The following CNTN4 variants were observed in gnomAD, a reference collection of about 807,000 sequenced individuals.
CNTN4 encodes the protein contactin-4.
Under a neutral mutation model 122.5 loss-of-function variants are expected in CNTN4, and 77 were observed. The observed-to-expected ratio is 0.63, with a 90% CI of 0.52 to 0.76. The LOEUF is 0.76. Ranked by LOEUF, CNTN4 falls within the 30% of genes least tolerant of loss-of-function variation. CNTN4 has a pLI of 0.00. For missense variants in CNTN4, 1,256 were observed against 1,259.1 expected, an observed-to-expected ratio of 1.00 and a Z score of 0.04; for synonymous variants, 512 against 447.0, an observed-to-expected ratio of 1.15 and a Z score of -1.83.
intron 2 of CNTN4, among the ~76,000 whole-genome samples, chr3:2,208,799 C>G (rs1050736398): frequency 6.6e-6 from 1 of 152,128 alleles, no homozygotes; most frequent in Admixed American, 6.6e-5. Context: ...ACAAGACCCT[C>G]TACCAGCAAC....
At chr3:2,322,216 G>T (rs1575368929) in intron 2 of CNTN4, among the ~76,000 whole-genome samples, 2 of 151,918 alleles carry the variant, frequency 1.3e-5, no homozygotes, top group African/African-American at 4.8e-5. Flanking sequence ...TTGAAAGCAG[G>T]GACTCAAACA....
At chr3:2,243,575 C>G (rs2040023746) in intron 2 of CNTN4, among the ~76,000 whole-genome samples, 1 of 152,066 alleles carries the variant, frequency 6.6e-6, no homozygotes, top group African/African-American at 2.4e-5. Context: ...CAAGACAACT[C>G]TTCTTCCCAT....
chr3:2,147,231 T>C (rs1037333505), intron 2 of CNTN4, among the ~76,000 whole-genome samples: 1 of 152,156 alleles, frequency 6.6e-6, no homozygotes, highest in East Asian at 1.9e-4. Context: ...TCCAGCACTT[T>C]ATTTTTTAAT....
intron 1 of CNTN4, 199 bp downstream of exon 1, chr3:2,099,177 A>C (rs2031669224): frequency 6.6e-6 from 1 of 152,252 alleles, no homozygotes; most frequent in South Asian, 2.1e-4. Flanking sequence ...GAAGCCCTGC[A>C]GGGTCGGGGA....
At chr3:2,895,861 C>T (rs370633323) in intron 10 of CNTN4, among the ~76,000 whole-genome samples, 25 of 152,170 alleles carry the variant, frequency 1.6e-4, no homozygotes, top group East Asian at 5.8e-4. Flanking sequence ...GGTGAAACCC[C>T]GTCTCTACTA....
chr3:2,240,817 T>C (rs2039904318), intron 2 of CNTN4, among the ~76,000 whole-genome samples: 1 of 152,152 alleles, frequency 6.6e-6, no homozygotes, highest in South Asian at 2.1e-4. Flanking sequence ...GAATAAAATG[T>C]TCTTTGCATA....
At chr3:2,235,953 T>C (rs1406537207) in intron 2 of CNTN4, among the ~76,000 whole-genome samples, 1 of 152,064 alleles carries the variant, frequency 6.6e-6, no homozygotes, top group Non-Finnish European at 1.5e-5. Flanking sequence ...AGTCAAAAAA[T>C]TTAGTGCAAG....
intron 4 of CNTN4, among the ~76,000 whole-genome samples, chr3:2,613,488 A>G (rs1576219635): frequency 6.6e-6 from 1 of 152,260 alleles, no homozygotes; most frequent in East Asian, 1.9e-4. Context: ...AGGTGCTGCA[A>G]CATATTTGTT....
chr3:2,870,030 G>C (rs2093767245), intron 8 of CNTN4, among the ~76,000 whole-genome samples: 1 of 152,062 alleles, frequency 6.6e-6, no homozygotes, highest in Non-Finnish European at 1.5e-5. Context: ...ATCTGTTTTG[G>C]TCTATCAAGT....
chr3:2,362,466 G>T, intron 3 of CNTN4: 1 of 453,654 alleles, frequency 2.2e-6, no homozygotes, highest in Non-Finnish European at 4.4e-6. Flanking sequence ...TCCTATATGA[G>T]GACTAGCAGT....
intron 7 of CNTN4, among the ~76,000 whole-genome samples, chr3:2,842,631 A>C (rs1248877207): frequency 6.6e-6 from 1 of 152,100 alleles, no homozygotes; most frequent in East Asian, 1.9e-4. Flanking sequence ...GTCCATTGGG[A>C]CTTTTCCCCA....
At chr3:2,198,145 A>C (rs2037933991) in intron 2 of CNTN4, among the ~76,000 whole-genome samples, 1 of 152,166 alleles carries the variant, frequency 6.6e-6, no homozygotes, top group Non-Finnish European at 1.5e-5. Context: ...TTCATATTGA[A>C]CCATAAATCT....
At chr3:2,781,771 C>T (rs1267649229) in intron 6 of CNTN4, among the ~76,000 whole-genome samples, 3 of 119,984 alleles carry the variant, frequency 2.5e-5, no homozygotes, top group Admixed American at 2.0e-4. Context: ...GTCGCCCAGG[C>T]TGGAGGGCAG....
chr3:2,205,454 C>G (rs1031524271), intron 2 of CNTN4, among the ~76,000 whole-genome samples: 5 of 151,572 alleles, frequency 3.3e-5, no homozygotes, highest in Non-Finnish European at 7.4e-5. Flanking sequence ...TGGTTTTTCT[C>G]TAACTCAAAC....
intron 3 of CNTN4, among the ~76,000 whole-genome samples, chr3:2,391,539 A>T (rs556355330): frequency 1.1e-4 from 16 of 152,334 alleles, no homozygotes; most frequent in African/African-American, 3.4e-4. Context: ...TTATTAACTC[A>T]TGTTCTTCTA....
chr3:2,463,951 A>G (rs905960757), intron 3 of CNTN4, among the ~76,000 whole-genome samples: 2 of 152,048 alleles, frequency 1.3e-5, no homozygotes, highest in Non-Finnish European at 2.9e-5. Context: ...GTTAGGCTTC[A>G]TTTTCCAAGC....
intron 4 of CNTN4, among the ~76,000 whole-genome samples, chr3:2,630,843 T>C (rs1460387335): frequency 1.3e-5 from 2 of 152,180 alleles, no homozygotes; most frequent in Non-Finnish European, 2.9e-5. Flanking sequence ...AGAAGTCTTC[T>C]TAGCTTTAAA....
intron 3 of CNTN4, among the ~76,000 whole-genome samples, chr3:2,522,611 G>C (rs192290703): frequency 1.3e-5 from 2 of 152,234 alleles, no homozygotes; most frequent in East Asian, 3.9e-4. Flanking sequence ...ACATTAGGTA[G>C]TGATGCTAGT....
rs114849856 is a variant in CNTN4 at position 2,207,304 on chromosome 3, T to G, written c.-145+106665T>G. Among the ~76,000 whole-genome samples, 632 of 152,192 alleles carry G rather than the reference T, an allele frequency of 4.2e-3. 4 individuals carry two copies. Among genetic ancestry groups the G allele is most frequent in the Non-Finnish European group, 6.3e-3 (431 of 67,988 alleles). On this transcript the variant is annotated intron_variant, in intron 2 of 24. Transcript: ENST00000418658. ...AAAGGAAGAGTCATACATCTCTCAC[T>G]TTAAATCAAAAGCTAGAAATGATTA... is the stretch of plus-strand genomic sequence containing the variant.
Sources: allele counts gnomAD v4.1 joint callset (sites outside exome capture counted in the v4.1 genomes callset), GRCh38; gene constraint gnomAD v4.1.1; transcripts MANE v1.5; gene names NCBI Gene and HGNC (gene_info 2026-07-23, HGNC 2026-07-21).